The following DLGAP2 variants were observed in gnomAD, a reference collection of about 807,000 sequenced individuals.
DLGAP2 encodes the protein DLG associated protein 2.
A neutral mutation model predicts 100.3 loss-of-function variants in DLGAP2; 26 were observed. That is an observed-to-expected ratio of 0.26 (90% CI 0.19 to 0.36). The LOEUF (loss-of-function observed/expected upper bound fraction) is 0.36, where lower values mean the gene tolerates loss of function less well. Ranked by LOEUF, DLGAP2 falls within the 10% of genes least tolerant of loss-of-function variation. The pLI, the probability that DLGAP2 is intolerant of heterozygous loss-of-function variation, is 1.00. For synonymous variants in DLGAP2, 886 were observed against 630.1 expected (o/e 1.41, Z -6.08); for missense variants, 1,858 against 1,453.2 (o/e 1.28, Z -4.53).
At chr8:1,681,699 T>C (rs1049084250) in intron 12 of DLGAP2, among the ~76,000 whole-genome samples, 2 of 152,202 alleles carry the variant, frequency 1.3e-5, no homozygotes, top group African/African-American at 2.4e-5. Context: ...ACATATGATA[T>C]GTCAGGCCCT....
intron 1 of DLGAP2, among the ~76,000 whole-genome samples, chr8:888,062 C>A (rs1797956814): frequency 6.6e-6 from 1 of 152,104 alleles, no homozygotes; most frequent in African/African-American, 2.4e-5. Flanking sequence ...TTCTTGGAGG[C>A]TTTGTTCATT....
intron 1 of DLGAP2, among the ~76,000 whole-genome samples, chr8:890,066 G>A (rs1304087156): frequency 6.6e-6 from 1 of 152,130 alleles, no homozygotes; most frequent in Admixed American, 6.6e-5. Context: ...CCTCTCTGTG[G>A]GTCACGCCAG....
chr8:913,131 C>T (rs1294532675), intron 2 of DLGAP2, among the ~76,000 whole-genome samples: 1 of 152,158 alleles, frequency 6.6e-6, no homozygotes, highest in Non-Finnish European at 1.5e-5. Flanking sequence ...ATTTGTATTA[C>T]AAGGTAGGAT....
At chr8:1,458,174 G>A (rs1015837502) in intron 3 of DLGAP2, among the ~76,000 whole-genome samples, 1 of 151,692 alleles carries the variant, frequency 6.6e-6, no homozygotes, top group African/African-American at 2.4e-5. Context: ...CCAAAGTGCT[G>A]GGATTACAGG....
At chr8:1,454,651 A>C (rs150239625) in intron 3 of DLGAP2, among the ~76,000 whole-genome samples, 3,853 of 152,286 alleles carry the variant, frequency 0.025, 105 homozygotes, top group South Asian at 0.035. Flanking sequence ...GGATATTTCC[A>C]AAAACTCAAA....
At chr8:818,400 C>G (rs931309903) in intron 1 of DLGAP2, among the ~76,000 whole-genome samples, 7 of 152,264 alleles carry the variant, frequency 4.6e-5, no homozygotes, top group African/African-American at 1.2e-4. Flanking sequence ...GCCAGTAACC[C>G]CCTGAGAATT....
chr8:1,237,206 TGCCGTGTCTAGTTCTCTCACATGGC>T (rs1798679594), intron 2 of DLGAP2, among the ~76,000 whole-genome samples: 1 of 126,800 alleles, frequency 7.9e-6, no homozygotes. Context: ...TCTCACGTGG[TGCCGTGTCTAGTTCTCTCACATGGC>T]GCCGTGTCTA....
chr8:1,276,122 A>T (rs1391552479), intron 3 of DLGAP2, among the ~76,000 whole-genome samples: 1 of 145,508 alleles, frequency 6.9e-6, no homozygotes, highest in Non-Finnish European at 1.5e-5. Context: ...TATAATATAT[A>T]TAAATGTATA....
At chr8:1,587,288 T>C (rs1796150185) in intron 6 of DLGAP2, among the ~76,000 whole-genome samples, 1 of 152,154 alleles carries the variant, frequency 6.6e-6, no homozygotes, top group Non-Finnish European at 1.5e-5. Context: ...TCAGGAAAAA[T>C]AACTTTGCCT....
At chr8:1,167,078 G>A (rs1797031055) in intron 2 of DLGAP2, among the ~76,000 whole-genome samples, 1 of 152,070 alleles carries the variant, frequency 6.6e-6, no homozygotes, top group Admixed American at 6.5e-5. Flanking sequence ...TGAGGCTGCA[G>A]TGAGCTGTGA....
chr8:1,218,708 A>G (rs12675057), intron 2 of DLGAP2, among the ~76,000 whole-genome samples: 39,148 of 151,980 alleles, frequency 0.26, 5,728 homozygotes, highest in East Asian at 0.45. Context: ...TGAATCTGTA[A>G]ATTGCTTTGA....
intron 2 of DLGAP2, among the ~76,000 whole-genome samples, chr8:1,206,648 A>G (rs952475471): frequency 3.3e-5 from 3 of 90,404 alleles, no homozygotes; most frequent in Admixed American, 1.0e-4. Flanking sequence ...ATCTCCAGCC[A>G]TCCGTGGACT....
At chr8:855,865 A>T (rs1797266760) in intron 1 of DLGAP2, among the ~76,000 whole-genome samples, 1 of 152,168 alleles carries the variant, frequency 6.6e-6, no homozygotes, top group Non-Finnish European at 1.5e-5. Flanking sequence ...TAATGATAAA[A>T]ACTTTCAGTG....
intron 1 of DLGAP2, among the ~76,000 whole-genome samples, chr8:881,586 A>T (rs184571943): frequency 0.016 from 1,992 of 127,256 alleles, 51 homozygotes; most frequent in African/African-American, 0.058. Context: ...TGCAACCTCC[A>T]CCTCCTGGGT....
chr8:1,446,138 T>G (rs867281585), intron 3 of DLGAP2, among the ~76,000 whole-genome samples: 20 of 152,190 alleles, frequency 1.3e-4, no homozygotes, highest in African/African-American at 4.3e-4. Flanking sequence ...GCCATTGCTT[T>G]TGGTGTTTTA....
intron 1 of DLGAP2, among the ~76,000 whole-genome samples, chr8:757,582 G>A (rs776934622): frequency 1.3e-5 from 2 of 152,192 alleles, no homozygotes; most frequent in East Asian, 1.9e-4. Context: ...CCTGTGTCAC[G>A]TGCTGCTCAC....
intron 1 of DLGAP2, among the ~76,000 whole-genome samples, chr8:858,056 C>T (rs1041431177): frequency 2.6e-5 from 4 of 152,072 alleles, no homozygotes; most frequent in Non-Finnish European, 5.9e-5. Flanking sequence ...AGGGTTTCAC[C>T]GTGTTGGCCA....
chr8:1,205,028 C>T (rs1026250896), intron 2 of DLGAP2, among the ~76,000 whole-genome samples: 1 of 152,110 alleles, frequency 6.6e-6, no homozygotes, highest in East Asian at 1.9e-4. Context: ...GCCGTAATTG[C>T]AGTCATTAGG....
chr8:1,695,655 C>T (rs764462642), intron 13 of DLGAP2, among the ~76,000 whole-genome samples: 2 of 152,174 alleles, frequency 1.3e-5, no homozygotes, highest in African/African-American at 4.8e-5. Flanking sequence ...AGGGGCACAG[C>T]TGTGCCCAGC....
Sources: allele counts gnomAD v4.1 joint callset (sites outside exome capture counted in the v4.1 genomes callset), GRCh38; gene constraint gnomAD v4.1.1; transcripts MANE v1.5; gene names NCBI Gene and HGNC (gene_info 2026-07-23, HGNC 2026-07-21).